The following DYNC1LI2 variants were observed in gnomAD, a reference collection of about 807,000 sequenced individuals.
DYNC1LI2 encodes dynein cytoplasmic 1 light intermediate chain 2.
In DYNC1LI2, 19 loss-of-function variants were observed where a neutral mutation model predicts 57.8. That is an observed-to-expected ratio of 0.33 (90% CI 0.23 to 0.48). The LOEUF is 0.48. DYNC1LI2 is among the 20% of genes least tolerant of loss of function. The probability of loss-of-function intolerance (pLI) is 0.99; values close to 1 mark genes in which losing one functional copy is unlikely to be tolerated. For synonymous variants in DYNC1LI2, 256 were observed against 233.4 expected (o/e 1.10, Z -0.88); for missense variants, 470 against 604.2 (o/e 0.78, Z 2.33).
intron 2 of DYNC1LI2, among the ~76,000 whole-genome samples, chr16:66,750,209 C>A (rs1362938093): frequency 3.9e-5 from 6 of 152,188 alleles, no homozygotes; most frequent in Non-Finnish European, 8.8e-5. Flanking sequence ...TGATCTTGAT[C>A]CCCCACTTCT....
chr16:66,734,145 C>G, intron 6 of DYNC1LI2, 73 bp downstream of exon 6: 1 of 1,429,642 alleles, frequency 7.0e-7, no homozygotes, highest in South Asian at 1.2e-5. Context: ...TTGGGAGGTG[C>G]TTTATCTCTT....
chr16:66,727,727 GGGA>G lies in DYNC1LI2; in HGVS notation c.1219_1221del (p.Ser407del). Reference sequence around the variant, plus strand: ...TCCGGCTTTTTTACTGACGTGCCTGGGGAGGAGCTAGGCACACTGGCTGGCCCT... The same window carrying G: ...TCCGGCTTTTTTACTGACGTGCCTGGGGAGCTAGGCACACTGGCTGGCCCT... On this transcript the variant is annotated inframe_deletion, in exon 11 of 13. Transcript: ENST00000258198. 1 of 1,614,094 alleles carries G rather than the reference GGGA, an allele frequency of 6.2e-7. No individual in the cohort carries two copies.
At chr16:66,724,289 T>C (rs550947289) in intron 12 of DYNC1LI2, among the ~76,000 whole-genome samples, 12 of 152,166 alleles carry the variant, frequency 7.9e-5, no homozygotes, top group Non-Finnish European at 1.6e-4. Flanking sequence ...AAGAATAAGA[T>C]AGTTCAGTCC....
At position 66,732,611 on chromosome 16, in the gene DYNC1LI2, A is replaced by C. The variant is rs1353698421; in HGVS notation, c.794-137T>G. The C allele has an allele frequency of 3.3e-6, 3 of 908,506 alleles. No individual in the cohort carries two copies. The African/African-American group carries it at 5.1e-5, about 15-fold the overall frequency. 56.3% of individuals were successfully genotyped at this position (908,506 alleles called of 1,614,324 possible). On this transcript the variant is annotated intron_variant, in intron 6 of 12. Coordinates refer to ENST00000258198, the MANE Select transcript of DYNC1LI2 (RefSeq NM_006141.3). ...CAACAGAAAGCATTACAATTTTAAA[A>C]ACTAAAACGCTTATAGTATTACATA...
chr16:66,740,831 C>T (rs1417230255), intron 4 of DYNC1LI2, among the ~76,000 whole-genome samples: 1 of 152,232 alleles, frequency 6.6e-6, no homozygotes, highest in African/African-American at 2.4e-5. Flanking sequence ...TCCCAGGGCT[C>T]TAATTTCCAG....
At chr16:66,750,969 C>CT in intron 2 of DYNC1LI2, among the ~76,000 whole-genome samples, 1 of 152,224 alleles carries the variant, frequency 6.6e-6, no homozygotes, top group East Asian at 1.9e-4. Flanking sequence ...ATCTCATCTA[C>CT]TAGCTTCCCC....
chr16:66,734,192 G>T lies in DYNC1LI2; in HGVS notation c.793+26C>A, dbSNP rs763415651. 5 of 1,611,304 alleles carry T rather than the reference G, an allele frequency of 3.1e-6. No homozygotes were observed. The African/African-American group carries it at 5.3e-5, about 17-fold the overall frequency. Reference sequence around the variant, plus strand: ...CATTTGGAAGAAAGCCTGTGACCCAGGCCCCACACAGCGCCCAAAGGATAC... The same window carrying T: ...CATTTGGAAGAAAGCCTGTGACCCATGCCCCACACAGCGCCCAAAGGATAC... On this transcript the variant is annotated intron_variant, in intron 6 of 12. Coordinates refer to ENST00000258198, the MANE Select transcript of DYNC1LI2 (RefSeq NM_006141.3).
At position 66,736,156 on chromosome 16, in the gene DYNC1LI2, A is replaced by C. The variant is rs754666827; in HGVS notation, c.618T>G (p.Asp206Glu). Reference sequence around the variant, plus strand: ...CCAGAGGCAGGGCAACATTTTCTTCATCGGAGCCTGAGGTCAGAGGGCCTC... The same window carrying C: ...CCAGAGGCAGGGCAACATTTTCTTCCTCGGAGCCTGAGGTCAGAGGGCCTC... ...QRRGPLTSGS[D>E]EENVALPLGD... Residue 206 changes from aspartate (D) to glutamate (E), a missense_variant, in exon 5 of 13, where the codon GAT becomes GAG. Physicochemically the swap from Asp to Glu is conservative, Grantham distance 45. Coordinates refer to ENST00000258198, the MANE Select transcript of DYNC1LI2 (RefSeq NM_006141.3). 3 of 1,614,044 alleles carry C rather than the reference A, an allele frequency of 1.9e-6. No homozygotes were observed. The highest frequency in any genetic ancestry group is 2.5e-6 in the Non-Finnish European group (3 of 1,180,022).
At position 66,722,010 on chromosome 16, in the gene DYNC1LI2, C is replaced by A. The variant is rs1012183687; in HGVS notation, c.*1712G>T. 1.3e-5 allele frequency: 2 copies of A among 152,500 alleles called. No individual in the cohort carries two copies. Among genetic ancestry groups the A allele is most frequent in the African/African-American group, 4.8e-5 (2 of 41,426 alleles). 9.4% of individuals were successfully genotyped at this position (152,500 alleles called of 1,614,324 possible). ...AACCTGGTAACTGGAAGCCACAATA[C>A]ATTTGTTTTTTTAAAAAACTGAATT... On this transcript the variant is annotated 3_prime_UTR_variant, in exon 13 of 13. Transcript: ENST00000258198.
chr16:66,749,165 C>G (rs781030643), intron 3 of DYNC1LI2, 32 bp downstream of exon 3: 2 of 1,607,398 alleles, frequency 1.2e-6, no homozygotes, highest in Admixed American at 3.3e-5. Flanking sequence ...CCTGCATACA[C>G]CCCCTTACCA....
intron 12 of DYNC1LI2, 82 bp from the exon 13 acceptor site, chr16:66,723,904 T>C (rs1395957070): frequency 2.7e-5 from 30 of 1,113,534 alleles, no homozygotes; most frequent in Non-Finnish European, 3.8e-5. Flanking sequence ...TTTAAAATTA[T>C]ACGCCTTCTA....
chr16:66,734,019 T>C (rs895804352), intron 6 of DYNC1LI2, 199 bp downstream of exon 6: 54 of 542,982 alleles, frequency 9.9e-5, no homozygotes, highest in Middle Eastern at 5.1e-4. Flanking sequence ...AACAAACAAA[T>C]AAATGAGTGA....
chr16:66,727,432 C>T (rs760964029), intron 11 of DYNC1LI2, among the ~76,000 whole-genome samples: 4 of 152,162 alleles, frequency 2.6e-5, no homozygotes, highest in Non-Finnish European at 5.9e-5. Context: ...AAGGAATGAG[C>T]AGGGCCTAAG....
chr16:66,736,107 G>A lies in DYNC1LI2; in HGVS notation c.667C>T (p.Leu223=), dbSNP rs763974153. 6.2e-6 allele frequency: 10 copies of A among 1,613,930 alleles called. No homozygotes were observed. The South Asian group carries it at 1.1e-4, about 18-fold the overall frequency. ...PLGDNVLTHN[L]GIPVLVVCTK... is the part of the protein sequence containing the mutation. ...CACACCACCAACACCGGGATCCCCA[G>A]GTTATGAGTCAGCACATTGTCACCC... The change falls in exon 5 of 13, where the codon CTG becomes TTG. Residue 223 remains leucine (L), a synonymous_variant. Coordinates refer to ENST00000258198, the MANE Select transcript of DYNC1LI2 (RefSeq NM_006141.3).
At chr16:66,729,380 C>T (rs893554482) in intron 8 of DYNC1LI2, among the ~76,000 whole-genome samples, 6 of 152,214 alleles carry the variant, frequency 3.9e-5, no homozygotes, top group African/African-American at 9.6e-5. Flanking sequence ...CCAGAGGCAA[C>T]GGCAGCACTG....
At chr16:66,724,478 G>A (rs935696081) in intron 12 of DYNC1LI2, among the ~76,000 whole-genome samples, 1 of 151,950 alleles carries the variant, frequency 6.6e-6, no homozygotes. Context: ...ATTTCCTGAG[G>A]GTCTCCTCTG....
chr16:66,742,021 AC>A (rs2017847942), intron 4 of DYNC1LI2, among the ~76,000 whole-genome samples: 1 of 152,086 alleles, frequency 6.6e-6, no homozygotes, highest in Non-Finnish European at 1.5e-5. Flanking sequence ...AAGCCTGCCA[AC>A]ACGAGGGTCC....
chr16:66,741,897 C>CAAAAAAA (rs66527903), intron 4 of DYNC1LI2, among the ~76,000 whole-genome samples: 19 of 106,812 alleles, frequency 1.8e-4, no homozygotes, highest in African/African-American at 6.5e-4. Flanking sequence ...ATGTTAATTA[C>CAAAAAAA]AAAAAAAAAA....
intron 12 of DYNC1LI2, among the ~76,000 whole-genome samples, 165 bp from the exon 13 acceptor site, chr16:66,723,987 A>C (rs2017494664): frequency 6.6e-6 from 1 of 152,182 alleles, no homozygotes; most frequent in African/African-American, 2.4e-5. Context: ...AGGAGACCCC[A>C]ACTCGGCACA....
Sources: allele counts gnomAD v4.1 joint callset (sites outside exome capture counted in the v4.1 genomes callset), GRCh38; gene constraint gnomAD v4.1.1; transcripts MANE v1.5; gene names NCBI Gene and HGNC (gene_info 2026-07-23, HGNC 2026-07-21).